The following CTSO variants were observed in gnomAD, a reference collection of about 807,000 sequenced individuals.
CTSO encodes cathepsin O.
A neutral mutation model predicts 42.4 loss-of-function variants in CTSO; 40 were observed. The ratio of observed to expected loss-of-function variants is 0.94; its 90% confidence interval spans 0.73 to 1.23. The LOEUF (loss-of-function observed/expected upper bound fraction) is 1.23, where lower values mean the gene tolerates loss of function less well. Among genes scored for constraint, CTSO ranks in the 50% most tolerant of loss-of-function variants. CTSO has a pLI of 0.00. For synonymous variants in CTSO, 156 were observed against 146.2 expected (o/e 1.07, Z -0.48); for missense variants, 441 against 396.0 (o/e 1.11, Z -0.96).
intron 1 of CTSO, among the ~76,000 whole-genome samples, chr4:155,949,875 C>G (rs1337072112): frequency 6.6e-6 from 1 of 152,188 alleles, no homozygotes; most frequent in Non-Finnish European, 1.5e-5. Flanking sequence ...GCATCTGGTG[C>G]ATAGAGCCCA....
chr4:155,930,867 T>A (rs1005354715), intron 5 of CTSO, among the ~76,000 whole-genome samples: 2 of 152,196 alleles, frequency 1.3e-5, no homozygotes, highest in Non-Finnish European at 2.9e-5. Flanking sequence ...ATATTTCTAA[T>A]TTTTGCTACT....
rs1214423993 is a variant in CTSO at position 155,952,475 on chromosome 4, G to T, written c.135+1238C>A. ...AGCCAATGAATACGTTACCAATAAA[G>T]GTGAAACTGACTTTTCCCCTAAGGG... On this transcript the variant is annotated intron_variant, in intron 1 of 7. Transcript: ENST00000433477. 3.3e-5 allele frequency among the ~76,000 whole-genome samples: 5 copies of T among 152,274 alleles called. No individual in the cohort carries two copies. In the South Asian group the frequency reaches 1.0e-3, roughly 32 times the overall value.
intron 4 of CTSO, among the ~76,000 whole-genome samples, chr4:155,938,693 G>A (rs955373988): frequency 2.6e-5 from 4 of 152,124 alleles, no homozygotes; most frequent in African/African-American, 9.7e-5. Context: ...TTGGGAGGCT[G>A]AGGCGGGTGG....
At position 155,942,724 on chromosome 4, in the gene CTSO, C is replaced by A. The variant is rs141468838; in HGVS notation, c.245-268G>T. ...GCTTTTCTATAACATAAAATGCATT[C>A]ATTAAAAACTACAAAAGAGAATTCC... On this transcript the variant is annotated intron_variant, in intron 2 of 7. Coordinates refer to ENST00000433477, the MANE Select transcript of CTSO (RefSeq NM_001334.3). Among the ~76,000 whole-genome samples the A allele has an allele frequency of 5.0e-4, 76 of 151,952 alleles. 1 individual carries two copies. The East Asian group carries it at 0.014, about 28-fold the overall frequency.
At chr4:155,938,411 A>G (rs1743368942) in intron 4 of CTSO, among the ~76,000 whole-genome samples, 1 of 152,172 alleles carries the variant, frequency 6.6e-6, no homozygotes, top group Non-Finnish European at 1.5e-5. Flanking sequence ...CTCTGGTTTG[A>G]TGACGTTCTA....
rs528718088 is a variant in CTSO, at chr4:155,928,878, A to G, written c.839-450T>C. ...AGGTGGAATCTGACAAGACATTTACATTGGGAACAGGCCCCCCAAATCCGG... is the reference window on the plus strand; with the variant it reads ...AGGTGGAATCTGACAAGACATTTACGTTGGGAACAGGCCCCCCAAATCCGG... On this transcript the variant is annotated intron_variant, in intron 6 of 7. Transcript: ENST00000433477. Among the ~76,000 whole-genome samples the G allele has an allele frequency of 6.8e-4, 104 of 152,310 alleles. 1 individual carries two copies. Among genetic ancestry groups the G allele is most frequent in the African/African-American group, 2.4e-3 (99 of 41,574 alleles).
chr4:155,935,198 C>T (rs964057678), intron 5 of CTSO, among the ~76,000 whole-genome samples: 15 of 152,168 alleles, frequency 9.9e-5, no homozygotes, highest in Non-Finnish European at 1.9e-4. Context: ...GCTGCCGCCA[C>T]GTAAGTAGTG....
At chr4:155,952,134 T>C (rs1483025402) in intron 1 of CTSO, among the ~76,000 whole-genome samples, 3 of 152,096 alleles carry the variant, frequency 2.0e-5, no homozygotes, top group Non-Finnish European at 4.4e-5. Context: ...CTTTGAAAAT[T>C]TTTTCAGTAT....
intron 1 of CTSO, among the ~76,000 whole-genome samples, chr4:155,950,835 C>T (rs775497756): frequency 5.0e-5 from 6 of 118,954 alleles, no homozygotes; most frequent in Non-Finnish European, 8.9e-5. Flanking sequence ...TGAAATCATC[C>T]GCATCCTCCT....
intron 5 of CTSO, among the ~76,000 whole-genome samples, chr4:155,931,918 A>C (rs1185897826): frequency 6.6e-6 from 1 of 151,866 alleles, no homozygotes; most frequent in Non-Finnish European, 1.5e-5. Context: ...ATTGTCATCA[A>C]GATGCGGCGA....
intron 3 of CTSO, among the ~76,000 whole-genome samples, chr4:155,939,909 G>A (rs925762957): frequency 6.6e-6 from 1 of 151,992 alleles, no homozygotes; most frequent in Non-Finnish European, 1.5e-5. Flanking sequence ...AGTGTGTGCC[G>A]ACTCCCGCCC....
chr4:155,946,053 G>A (rs746506414), intron 1 of CTSO, among the ~76,000 whole-genome samples: 1 of 151,694 alleles, frequency 6.6e-6, no homozygotes, highest in African/African-American at 2.4e-5. Context: ...TTAGACTCTT[G>A]AGTGTAGGCA....
At chr4:155,928,990 G>A (rs891162795) in intron 6 of CTSO, among the ~76,000 whole-genome samples, 10 of 152,150 alleles carry the variant, frequency 6.6e-5, no homozygotes, top group Admixed American at 1.3e-4. Flanking sequence ...CACGCTGGAA[G>A]GTTGTGGGTT....
chr4:155,952,006 G>C (rs1054368420), intron 1 of CTSO, among the ~76,000 whole-genome samples: 2 of 152,066 alleles, frequency 1.3e-5, no homozygotes, highest in African/African-American at 4.8e-5. Context: ...AGCATTCTTG[G>C]ATAAAGTCCA....
At chr4:155,933,075 C>T (rs1397731908) in intron 5 of CTSO, among the ~76,000 whole-genome samples, 1 of 152,012 alleles carries the variant, frequency 6.6e-6, no homozygotes, top group Admixed American at 6.6e-5. Flanking sequence ...GCTCTAAGGC[C>T]ACTGCTTGGT....
chr4:155,927,295 C>G (rs879309514), intron 7 of CTSO, among the ~76,000 whole-genome samples: 2 of 152,122 alleles, frequency 1.3e-5, no homozygotes, highest in African/African-American at 2.4e-5. Flanking sequence ...TATGTTGGAA[C>G]AAATTATAAT....
chr4:155,936,382 T>C (rs1452662100), intron 5 of CTSO, among the ~76,000 whole-genome samples: 2 of 152,224 alleles, frequency 1.3e-5, no homozygotes, highest in African/African-American at 4.8e-5. Flanking sequence ...ACCCTTGATT[T>C]CTTTCAGATC....
Position 155,931,231 on chromosome 4 carries a change from C to T in CTSO, c.675-1526G>A, listed in dbSNP as rs182053385. On this transcript the variant is annotated intron_variant, in intron 5 of 7. Coordinates refer to ENST00000433477, the MANE Select transcript of CTSO (RefSeq NM_001334.3). Reference sequence around the variant, plus strand: ...TTGTATCAAAATTCTTAGCATAGTTCATGATTTAAACATGATATATATAAT... The same window carrying T: ...TTGTATCAAAATTCTTAGCATAGTTTATGATTTAAACATGATATATATAAT... 2.9e-4 allele frequency among the ~76,000 whole-genome samples: 44 copies of T among 152,226 alleles called. No homozygotes were observed. In the East Asian group the frequency reaches 7.7e-3, roughly 27 times the overall value.
intron 1 of CTSO, among the ~76,000 whole-genome samples, chr4:155,945,446 A>G (rs2110931435): frequency 6.6e-6 from 1 of 152,314 alleles, no homozygotes; most frequent in Non-Finnish European, 1.5e-5. Context: ...TGCAAGGCAC[A>G]GATTGCCAAA....
Sources: gnomAD v4.1 joint callset for allele counts (sites outside exome capture counted in the v4.1 genomes callset) on GRCh38, gnomAD v4.1.1 for gene constraint, MANE v1.5 for transcripts, NCBI Gene and HGNC (gene_info 2026-07-23, HGNC 2026-07-21) for gene names.